The following CLTCL1 variants were observed in gnomAD, a reference collection of about 807,000 sequenced individuals.
The protein encoded by CLTCL1 is clathrin heavy chain 2.
Under a neutral mutation model 190.0 loss-of-function variants are expected in CLTCL1, and 159 were observed. The ratio of observed to expected loss-of-function variants is 0.84; its 90% CI spans 0.74 to 0.95. CLTCL1 has a LOEUF of 0.95. CLTCL1 is among the 40% of genes least tolerant of loss of function. The pLI is 0.00. For missense variants in CLTCL1, 1,878 were observed against 2,033.4 expected, an observed-to-expected ratio of 0.92 and a Z score of 1.47; for synonymous variants, 752 against 769.6, an observed-to-expected ratio of 0.98 and a Z score of 0.38.
At position 19,275,758 on chromosome 22, in the gene CLTCL1, A is replaced by G. The variant is rs557582552; in HGVS notation, c.115T>C (p.Cys39Arg). 2 of 1,610,290 alleles carry G rather than the reference A, an allele frequency of 1.2e-6. No homozygotes were observed. Among genetic ancestry groups the G allele is most frequent in the East Asian group, 2.2e-5 (1 of 44,788 alleles). Residue 39 changes from cysteine to arginine, a missense_variant, in exon 2 of 33, where the codon TGT (cysteine) becomes CGT (arginine). Transcript: ENST00000427926. ...TLTMESDKFICIREKVGEQAQ... is the reference protein window; with the variant it reads ...TLTMESDKFIRIREKVGEQAQ... The stretch of plus-strand genomic sequence containing the variant: ...TGCTCACCAACTTTCTCTCGGATAC[A>G]TATGAACTTGTCAGATTCCATGGTC...
intron 11 of CLTCL1, among the ~76,000 whole-genome samples, chr22:19,228,701 G>A (rs1169905668): frequency 6.6e-6 from 1 of 152,172 alleles, no homozygotes; most frequent in East Asian, 1.9e-4. Flanking sequence ...AAAGAACAAA[G>A]TGAACTTGTA....
chr22:19,187,503 A>G (rs1202488827), intron 29 of CLTCL1, 55 bp downstream of exon 29: 32 of 1,569,440 alleles, frequency 2.0e-5, no homozygotes, highest in Non-Finnish European at 2.8e-5. Context: ...CCCCAAAGCC[A>G]TCAGGAAACA....
intron 17 of CLTCL1, among the ~76,000 whole-genome samples, chr22:19,220,439 G>C (rs1601559977): frequency 1.3e-5 from 2 of 152,178 alleles, no homozygotes; most frequent in Non-Finnish European, 2.9e-5. Flanking sequence ...AATGTTATCA[G>C]AACAGCCTAG....
At chr22:19,214,104 T>G (rs1601539864) in intron 19 of CLTCL1, among the ~76,000 whole-genome samples, 1 of 152,332 alleles carries the variant, frequency 6.6e-6, no homozygotes, top group South Asian at 2.1e-4. Context: ...CCTGCACATC[T>G]CCTCATACAA....
chr22:19,207,627 G>A (rs1165799454), intron 22 of CLTCL1: 3 of 419,182 alleles, frequency 7.2e-6, no homozygotes, highest in African/African-American at 4.1e-5. Flanking sequence ...TAGGAATCAC[G>A]CCCCATAGCA....
Position 19,234,519 on chromosome 22 carries a change from G to A in CLTCL1, c.1157C>T (p.Ser386Phe). 6.2e-7 allele frequency: 1 copy of A among 1,612,988 alleles called. No individual in the cohort carries two copies. The highest frequency in any genetic ancestry group is 1.1e-5 in the South Asian group (1 of 90,986). The change falls in exon 7 of 33, where the codon TCT becomes TTT. Residue 386 changes from serine to phenylalanine, a missense_variant. Ser to Phe is a radical substitution (Grantham distance 155, BLOSUM62 -2). Coordinates refer to ENST00000427926, the MANE Select transcript of CLTCL1 (RefSeq NM_007098.4). ...SYAEAAKVAASAPKGILRTRE... is the reference protein window; with the variant it reads ...SYAEAAKVAAFAPKGILRTRE... ...TTCAAGGTTTATCACCTTTGGTGCA[G>A]ACGCTGCAACTTTGGCGGCTTCAGC...
intron 1 of CLTCL1, among the ~76,000 whole-genome samples, chr22:19,281,932 A>C (rs1415984149): frequency 6.6e-6 from 1 of 152,222 alleles, no homozygotes; most frequent in Non-Finnish European, 1.5e-5. Context: ...CAGTGTTTTA[A>C]CAACTGAGAA....
intron 2 of CLTCL1, chr22:19,257,677 C>T (rs117085727): frequency 0.013 from 7,767 of 584,852 alleles, 184 homozygotes; most frequent in East Asian, 0.072. Flanking sequence ...TCCTGCTCCA[C>T]CAGTTTCCAG....
At chr22:19,211,588 A>T (rs2085221510) in intron 19 of CLTCL1, among the ~76,000 whole-genome samples, 1 of 152,010 alleles carries the variant, frequency 6.6e-6, no homozygotes, top group South Asian at 2.1e-4. Context: ...CTAACACGGT[A>T]AAGCCCGTCT....
intron 10 of CLTCL1, among the ~76,000 whole-genome samples, chr22:19,231,954 C>T (rs2085928755): frequency 6.6e-6 from 1 of 152,148 alleles, no homozygotes; most frequent in African/African-American, 2.4e-5. Flanking sequence ...AGCTTTGTTA[C>T]ACATCTATAT....
chr22:19,206,919 G>T (rs1287759843), intron 22 of CLTCL1, among the ~76,000 whole-genome samples: 2 of 150,926 alleles, frequency 1.3e-5, no homozygotes, highest in Non-Finnish European at 3.0e-5. Context: ...TATGGTTAAG[G>T]TTTATTTAAA....
In CLTCL1 at chr22:19,187,583, A is replaced by G. The variant is rs182434700; in HGVS notation, c.4580T>C (p.Leu1527Pro). Residue 1527 changes from leucine (L) to proline (P), a missense_variant, in exon 29 of 33, where the codon CTC becomes CCC. Transcript: ENST00000427926. Reference protein sequence around the residue: ...GNNWWAQSVELCKKDHLYKDA... With the variant: ...GNNWWAQSVEPCKKDHLYKDA... Reference sequence around the variant, plus strand: ...CTTGTAGAGATGATCCTTCTTGCAGAGCTCCACGCTCTGGGCCCACCAGTT... The same window carrying G: ...CTTGTAGAGATGATCCTTCTTGCAGGGCTCCACGCTCTGGGCCCACCAGTT... 6.2e-7 allele frequency: 1 copy of G among 1,612,648 alleles called. No homozygotes were observed. Among genetic ancestry groups the G allele is most frequent in the Non-Finnish European group, 8.5e-7 (1 of 1,179,702 alleles).
rs146073727 is a variant in CLTCL1, at chr22:19,290,107, C to G, written c.42+1493G>C. 9.5e-4 allele frequency among the ~76,000 whole-genome samples: 144 copies of G among 152,302 alleles called. 2 individuals carry two copies. The highest frequency in any genetic ancestry group is 3.2e-3 in the African/African-American group (135 of 41,568). Reference sequence around the variant, plus strand: ...AATGGAACATATCAACTCTGATGGACATTACAAATCCTGATGGACATTAGA... The same window carrying G: ...AATGGAACATATCAACTCTGATGGAGATTACAAATCCTGATGGACATTAGA... On this transcript the variant is annotated intron_variant, in intron 1 of 32. Transcript: ENST00000427926.
At chr22:19,191,601 T>C (rs2084508341) in intron 26 of CLTCL1, among the ~76,000 whole-genome samples, 166 bp from the exon 27 acceptor site, 1 of 152,134 alleles carries the variant, frequency 6.6e-6, no homozygotes, top group African/African-American at 2.4e-5. Context: ...CTGAGGTATT[T>C]TGTCCCCCAG....
At chr22:19,217,840 T>A in intron 18 of CLTCL1, among the ~76,000 whole-genome samples, 2 of 144,710 alleles carry the variant, frequency 1.4e-5, no homozygotes, top group African/African-American at 2.6e-5. Flanking sequence ...AGCAAAACTC[T>A]GTCTCAAAAA....
At chr22:19,273,923 A>AG (rs1471916877) in intron 2 of CLTCL1, among the ~76,000 whole-genome samples, 2 of 152,100 alleles carry the variant, frequency 1.3e-5, no homozygotes, top group Non-Finnish European at 2.9e-5. Flanking sequence ...TTCAACTGCA[A>AG]GTGTGTTCCT....
Position 19,208,010 on chromosome 22 carries a change from A to G in CLTCL1, c.3600+144T>C, listed in dbSNP as rs782528138. The G allele has an allele frequency of 2.0e-5, 18 of 912,474 alleles. 1 individual carries two copies. Among genetic ancestry groups the G allele is most frequent in the Admixed American group, 4.0e-5 (2 of 50,376 alleles). 56.5% of individuals were successfully genotyped at this position (912,474 alleles called of 1,614,324 possible). ...ATGTAATGCACTTGAATCATCCCCA[A>G]ACCACCCCCGACCTGTCTGTGGAAA... On this transcript the variant is annotated intron_variant, in intron 22 of 32. Coordinates refer to ENST00000427926, the MANE Select transcript of CLTCL1 (RefSeq NM_007098.4).
At chr22:19,210,052 C>A in intron 20 of CLTCL1, among the ~76,000 whole-genome samples, 1 of 152,042 alleles carries the variant, frequency 6.6e-6, no homozygotes, top group African/African-American at 2.4e-5. Context: ...TGACCGATGA[C>A]ATTGGGTCAG....
chr22:19,211,543 T>C (rs1484065005), intron 19 of CLTCL1, among the ~76,000 whole-genome samples: 1 of 150,040 alleles, frequency 6.7e-6, no homozygotes, highest in South Asian at 2.1e-4. Flanking sequence ...CTGAGGCGGG[T>C]GGATCACAAG....
Sources: allele counts gnomAD v4.1 joint callset (sites outside exome capture counted in the v4.1 genomes callset), GRCh38; gene constraint gnomAD v4.1.1; transcripts MANE v1.5; gene names NCBI Gene and HGNC (gene_info 2026-07-23, HGNC 2026-07-21).